COL22A1: variants seen among roughly 807,000 people sequenced by gnomAD.
COL22A1 encodes the protein collagen alpha-1(XXII) chain.
A neutral mutation model predicts 248.9 loss-of-function variants in COL22A1; 221 were observed. The ratio of observed to expected loss-of-function variants is 0.89; its 90% CI spans 0.80 to 0.99. COL22A1 has a LOEUF of 0.99. Among genes scored for constraint, COL22A1 ranks in the 50% least tolerant of loss-of-function variants. COL22A1 has a pLI of 0.00. For missense variants in COL22A1, 2,240 were observed against 2,179.0 expected, an observed-to-expected ratio of 1.03 and a Z score of -0.56; for synonymous variants, 891 against 793.4, an observed-to-expected ratio of 1.12 and a Z score of -2.07.
intron 12 of COL22A1, 139 bp from the exon 13 acceptor site, chr8:138,781,119 T>C (rs1015420722): frequency 1.5e-6 from 1 of 661,022 alleles, no homozygotes; most frequent in African/African-American, 1.8e-5. Context: ...TCCACAAGCC[T>C]GCAGCATAGG....
At chr8:138,702,137 T>C (rs2130986627) in intron 31 of COL22A1, among the ~76,000 whole-genome samples, 1 of 152,346 alleles carries the variant, frequency 6.6e-6, no homozygotes, top group African/African-American at 2.4e-5. Context: ...CACTTTGTGA[T>C]ATATTGGTAC....
chr8:138,745,010 C>T (rs1020875705), intron 22 of COL22A1, among the ~76,000 whole-genome samples: 7 of 152,098 alleles, frequency 4.6e-5, no homozygotes, highest in East Asian at 3.9e-4. Context: ...GGTTGTCACC[C>T]GCTGTGGGAA....
intron 35 of COL22A1, among the ~76,000 whole-genome samples, chr8:138,692,366 G>A (rs1485323967): frequency 6.9e-6 from 1 of 145,034 alleles, no homozygotes; most frequent in Non-Finnish European, 1.5e-5. Flanking sequence ...ATGTGTGCAT[G>A]TTTGTGGACA....
Position 138,599,033 on chromosome 8 carries a change from G to A in COL22A1, c.4186-135C>T, listed in dbSNP as rs1817774078. The A allele has an allele frequency of 7.3e-6, 6 of 826,300 alleles. No individual in the cohort carries two copies. The South Asian group carries it at 9.1e-5, about 12-fold the overall frequency. 51.2% of individuals were successfully genotyped at this position (826,300 alleles called of 1,614,324 possible). On this transcript the variant is annotated intron_variant, in intron 60 of 64. Transcript: ENST00000303045. ...CCTTGGCCCTGGGTGGCCCATGTGT[G>A]GCTTGGGGTGAGAAGAGCCCCAGAA...
chr8:138,805,147 A>T lies in COL22A1; in HGVS notation c.1495-2213T>A, dbSNP rs1389224822. On this transcript the variant is annotated intron_variant, in intron 10 of 64. Transcript: ENST00000303045. ...TGTATGTGTGATGGGGTGTGTGTGCATATGGGTATGTGCATGAGGGTGTGT... is the reference window on the plus strand; with the variant it reads ...TGTATGTGTGATGGGGTGTGTGTGCTTATGGGTATGTGCATGAGGGTGTGT... Among the ~76,000 whole-genome samples, 4 of 117,726 alleles carry T rather than the reference A, an allele frequency of 3.4e-5. No individual in the cohort carries two copies. In the Admixed American group the frequency reaches 3.5e-4, roughly 10 times the overall value. The allele number at this position is 117,726 out of a possible 152,430, so 77.2% of individuals were successfully genotyped here.
intron 41 of COL22A1, among the ~76,000 whole-genome samples, chr8:138,670,561 C>G (rs1411166996): frequency 6.6e-6 from 1 of 151,830 alleles, no homozygotes; most frequent in Non-Finnish European, 1.5e-5. Flanking sequence ...TTCTTATGAT[C>G]AAAGGAACTG....
intron 46 of COL22A1, among the ~76,000 whole-genome samples, chr8:138,647,737 T>C (rs980417038): frequency 1.3e-5 from 2 of 152,144 alleles, no homozygotes; most frequent in African/African-American, 4.8e-5. Context: ...TTGTGGAACA[T>C]TGAGTGGTTC....
At chr8:138,771,447 A>G (rs1021879349) in intron 16 of COL22A1, among the ~76,000 whole-genome samples, 2 of 152,156 alleles carry the variant, frequency 1.3e-5, no homozygotes, top group Non-Finnish European at 2.9e-5. Context: ...CCCCCGCTTC[A>G]CAATCAGGAG....
chr8:138,612,844 G>A (rs1818978622), intron 56 of COL22A1, among the ~76,000 whole-genome samples: 1 of 147,412 alleles, frequency 6.8e-6, no homozygotes, highest in South Asian at 2.2e-4. Context: ...GCTGAGGTAG[G>A]AGAATCGCTT....
intron 43 of COL22A1, 119 bp from the exon 44 acceptor site, chr8:138,660,599 C>A: frequency 1.2e-6 from 1 of 838,166 alleles, no homozygotes. Flanking sequence ...GAAAAAAAAT[C>A]ATCAGACCAT....
At chr8:138,862,356 C>T (rs545133093) in intron 3 of COL22A1, among the ~76,000 whole-genome samples, 66 of 152,328 alleles carry the variant, frequency 4.3e-4, no homozygotes, top group African/African-American at 1.6e-3. Flanking sequence ...GTCCGTGCCC[C>T]ACTCCAGTCC....
At chr8:138,636,520 G>GGAAAA in intron 48 of COL22A1, among the ~76,000 whole-genome samples, 1 of 150,968 alleles carries the variant, frequency 6.6e-6, no homozygotes, top group Admixed American at 6.6e-5. Context: ...GGAAAGGAAA[G>GGAAAA]GAAAGGAAAG....
Position 138,780,943 on chromosome 8 carries a change from C to G in COL22A1, c.1634G>C (p.Gly545Ala). ...AGAACTTACTCTCATGCCTTTGCTG[C>G]CGTCTCTCCCAGGGGGGCCGGGCAG... Reference protein sequence around the residue: ...LGLPGPPGRDGSKGMRGEPGE... With the variant: ...LGLPGPPGRDASKGMRGEPGE... Residue 545 changes from glycine (G) to alanine (A), a missense_variant, in exon 13 of 65, where the codon GGC (glycine) becomes GCC (alanine). Physicochemically the swap from Gly to Ala is moderately conservative, Grantham distance 60. Coordinates refer to ENST00000303045, the MANE Select transcript of COL22A1 (RefSeq NM_152888.3). 6.2e-7 allele frequency: 1 copy of G among 1,613,336 alleles called. No individual in the cohort carries two copies. The highest frequency in any genetic ancestry group is 1.1e-5 in the South Asian group (1 of 90,992).
At chr8:138,603,640 G>A (rs759748476) in intron 59 of COL22A1, among the ~76,000 whole-genome samples, 36 of 152,262 alleles carry the variant, frequency 2.4e-4, no homozygotes, top group Non-Finnish European at 4.7e-4. Context: ...TGGGAGCTAC[G>A]GGTATTTCCT....
intron 52 of COL22A1, among the ~76,000 whole-genome samples, chr8:138,623,260 T>TATATATATATATATATATATATATATATA (rs1564109173): frequency 5.7e-5 from 3 of 52,488 alleles, no homozygotes; most frequent in African/African-American, 1.4e-4. Flanking sequence ...ATATATATAT[T>TATATATATATATATATATATATATATATA]TATGTGTGTG....
intron 5 of COL22A1, 109 bp from the exon 6 acceptor site, chr8:138,826,890 T>C: frequency 7.5e-7 from 1 of 1,336,494 alleles, no homozygotes; most frequent in South Asian, 1.3e-5. Context: ...TTTGACTTCC[T>C]AAATATTTCC....
intron 42 of COL22A1, among the ~76,000 whole-genome samples, chr8:138,663,020 A>T (rs1369780729): frequency 6.6e-6 from 1 of 151,838 alleles, no homozygotes; most frequent in East Asian, 1.9e-4. Flanking sequence ...TGTCACTCAC[A>T]CACACACACA....
At chr8:138,689,129 C>T (rs1487757237) in intron 36 of COL22A1, among the ~76,000 whole-genome samples, 159 bp from the exon 37 acceptor site, 1 of 148,504 alleles carries the variant, frequency 6.7e-6, no homozygotes, top group African/African-American at 2.5e-5. Context: ...AAAGCTCCAC[C>T]TCCTCCCTGC....
chr8:138,753,831 GAGGCCAAGA>G (rs1431385335), intron 21 of COL22A1, among the ~76,000 whole-genome samples: 2 of 152,196 alleles, frequency 1.3e-5, no homozygotes, highest in Non-Finnish European at 2.9e-5. Flanking sequence ...ATCTCAGGAA[GAGGCCAAGA>G]AGTTTGCCTC....
Sources: allele counts gnomAD v4.1 joint callset (sites outside exome capture counted in the v4.1 genomes callset), GRCh38; gene constraint gnomAD v4.1.1; transcripts MANE v1.5; gene names NCBI Gene and HGNC (gene_info 2026-07-23, HGNC 2026-07-21).